The following ZNRF1 variants were observed in gnomAD, a reference collection of about 807,000 sequenced individuals.
The protein encoded by ZNRF1 is E3 ubiquitin-protein ligase ZNRF1.
A neutral mutation model predicts 18.4 loss-of-function variants in ZNRF1; 3 were observed. The ratio of observed to expected loss-of-function variants is 0.16; its 90% CI spans 0.07 to 0.42. ZNRF1 has a LOEUF of 0.42. Among genes scored for constraint, ZNRF1 ranks in the 10% least tolerant of loss-of-function variants. The probability of loss-of-function intolerance (pLI) is 0.99; values close to 1 mark genes in which losing one functional copy is unlikely to be tolerated. For missense variants in ZNRF1, 310 were observed against 329.8 expected (o/e 0.94, Z 0.47); for synonymous variants, 157 against 144.2 (o/e 1.09, Z -0.64).
At chr16:75,018,710 G>T (rs1393769935) in intron 1 of ZNRF1, among the ~76,000 whole-genome samples, 1 of 152,082 alleles carries the variant, frequency 6.6e-6, no homozygotes, top group Non-Finnish European at 1.5e-5. Flanking sequence ...ATTTTCTAAT[G>T]TTAAATTATC....
intron 1 of ZNRF1, among the ~76,000 whole-genome samples, chr16:75,020,628 G>A (rs749269742): frequency 3.3e-5 from 5 of 151,564 alleles, no homozygotes; most frequent in Admixed American, 6.6e-5. Flanking sequence ...TGCAGGCCCC[G>A]CCTCCCAGGT....
chr16:75,038,000 T>C (rs1237940997), intron 1 of ZNRF1, among the ~76,000 whole-genome samples: 7 of 152,200 alleles, frequency 4.6e-5, no homozygotes, highest in African/African-American at 1.7e-4. Flanking sequence ...GCTTCTCTTA[T>C]TCCTGAGATG....
chr16:75,013,733 G>C (rs1463782015), intron 1 of ZNRF1, among the ~76,000 whole-genome samples: 1 of 152,134 alleles, frequency 6.6e-6, no homozygotes, highest in Non-Finnish European at 1.5e-5. Context: ...TTTCAATTTG[G>C]TTCACTTGTA....
At chr16:75,031,721 C>G (rs1416373568) in intron 1 of ZNRF1, among the ~76,000 whole-genome samples, 1 of 151,964 alleles carries the variant, frequency 6.6e-6, no homozygotes. Context: ...AGGCTGTTCT[C>G]GAACTCCTGA....
chr16:75,070,111 G>A (rs903568105), intron 1 of ZNRF1, among the ~76,000 whole-genome samples: 4 of 152,172 alleles, frequency 2.6e-5, no homozygotes, highest in African/African-American at 7.2e-5. Flanking sequence ...AAAAAACTCA[G>A]TAATCAAGAC....
intron 1 of ZNRF1, among the ~76,000 whole-genome samples, chr16:75,079,366 G>C (rs1243194498): frequency 6.6e-6 from 1 of 152,198 alleles, no homozygotes; most frequent in East Asian, 1.9e-4. Flanking sequence ...TATAGTCCCA[G>C]CTACTCGGGA....
chr16:75,017,231 C>G (rs1003286996), intron 1 of ZNRF1, among the ~76,000 whole-genome samples: 13 of 152,138 alleles, frequency 8.5e-5, no homozygotes, highest in African/African-American at 3.1e-4. Flanking sequence ...GCTTTGTTAA[C>G]TTTCTGTGAG....
intron 1 of ZNRF1, among the ~76,000 whole-genome samples, chr16:75,011,585 C>A (rs1485879096): frequency 1.3e-5 from 2 of 152,132 alleles, no homozygotes; most frequent in East Asian, 3.9e-4. Flanking sequence ...TTCCTAAATA[C>A]CCATGTACAT....
chr16:75,044,648 C>T (rs2035491313), intron 1 of ZNRF1, among the ~76,000 whole-genome samples: 1 of 152,138 alleles, frequency 6.6e-6, no homozygotes, highest in Admixed American at 6.5e-5. Context: ...ATGTGAGCCA[C>T]CATACCCAGC....
intron 1 of ZNRF1, among the ~76,000 whole-genome samples, chr16:75,034,483 G>T (rs1207256101): frequency 6.6e-6 from 1 of 152,082 alleles, no homozygotes; most frequent in African/African-American, 2.4e-5. Context: ...TCCTTTTTAT[G>T]TACATAACAC....
At chr16:75,064,732 A>C (rs2035781810) in intron 1 of ZNRF1, among the ~76,000 whole-genome samples, 1 of 152,188 alleles carries the variant, frequency 6.6e-6, no homozygotes, top group South Asian at 2.1e-4. Context: ...AAAGAGCTAA[A>C]TGAGCAACGG....
intron 1 of ZNRF1, among the ~76,000 whole-genome samples, chr16:75,066,235 A>G (rs78595651): frequency 6.6e-6 from 1 of 152,218 alleles, no homozygotes; most frequent in Non-Finnish European, 1.5e-5. Context: ...AACTCCAAAT[A>G]AAGTATCAGA....
intron 1 of ZNRF1, among the ~76,000 whole-genome samples, chr16:75,020,588 C>G (rs2035131541): frequency 6.6e-6 from 1 of 151,852 alleles, no homozygotes; most frequent in South Asian, 2.1e-4. Flanking sequence ...GTCACCCAGG[C>G]TGGAGTTCAG....
chr16:75,068,008 T>C (rs2035825274), intron 1 of ZNRF1, among the ~76,000 whole-genome samples: 1 of 151,826 alleles, frequency 6.6e-6, no homozygotes, highest in South Asian at 2.1e-4. Flanking sequence ...TTCACTGCAG[T>C]TTTAAAAAAC....
At chr16:75,043,607 A>G (rs1189374662) in intron 1 of ZNRF1, among the ~76,000 whole-genome samples, 4 of 152,106 alleles carry the variant, frequency 2.6e-5, no homozygotes, top group Non-Finnish European at 5.9e-5. Context: ...AGAAATGGAT[A>G]AGACATGGTT....
At chr16:75,012,979 C>A (rs1393169508) in intron 1 of ZNRF1, among the ~76,000 whole-genome samples, 1 of 152,154 alleles carries the variant, frequency 6.6e-6, no homozygotes, top group Admixed American at 6.5e-5. Context: ...AGGGCACAGG[C>A]ATGGAACCAG....
chr16:75,059,803 G>T (rs542190631), intron 1 of ZNRF1, among the ~76,000 whole-genome samples: 1 of 152,072 alleles, frequency 6.6e-6, no homozygotes, highest in African/African-American at 2.4e-5. Context: ...GGATTTGACC[G>T]CTCCTTTCTC....
intron 1 of ZNRF1, among the ~76,000 whole-genome samples, chr16:75,043,656 A>G (rs1018518704): frequency 2.0e-5 from 3 of 152,150 alleles, no homozygotes; most frequent in African/African-American, 7.2e-5. Flanking sequence ...AAACTCTGAT[A>G]AAAGAGACAG....
intron 2 of ZNRF1, among the ~76,000 whole-genome samples, chr16:75,103,421 AC>A (rs1295817142): frequency 6.6e-6 from 1 of 152,102 alleles, no homozygotes; most frequent in African/African-American, 2.4e-5. Flanking sequence ...CCAAAAGAAA[AC>A]CTCTGGTGTG....
Sources: gnomAD v4.1 joint callset for allele counts (sites outside exome capture counted in the v4.1 genomes callset) on GRCh38, gnomAD v4.1.1 for gene constraint, MANE v1.5 for transcripts, NCBI Gene and HGNC (gene_info 2026-07-23, HGNC 2026-07-21) for gene names.